AKAP13: variants seen among roughly 807,000 people sequenced by gnomAD.
AKAP13 encodes A-kinase anchoring protein 13, also known as A-kinase anchor protein 13.
AKAP13 carries 80 observed loss-of-function variants against 264.5 expected under a neutral mutation model. That is an observed-to-expected ratio of 0.30 (90% confidence interval 0.25 to 0.36). The LOEUF (loss-of-function observed/expected upper bound fraction) is 0.36. Ranked by LOEUF, AKAP13 falls within the 10% of genes least tolerant of loss-of-function variation. AKAP13 has a pLI of 1.00. For missense variants in AKAP13, 3,712 were observed against 3,435.2 expected (o/e 1.08, Z -2.01); for synonymous variants, 1,380 against 1,250.2 (o/e 1.10, Z -2.19).
At chr15:85,612,188 A>G (rs1009956397) in intron 8 of AKAP13, among the ~76,000 whole-genome samples, 7 of 152,138 alleles carry the variant, frequency 4.6e-5, no homozygotes, top group African/African-American at 1.4e-4. Flanking sequence ...TAGTTACTCT[A>G]TTTGCCATGT....
At chr15:85,568,925 G>A (rs973253457) in intron 5 of AKAP13, among the ~76,000 whole-genome samples, 5 of 152,166 alleles carry the variant, frequency 3.3e-5, no homozygotes, top group Admixed American at 1.3e-4. Context: ...CATAACAAGA[G>A]TGGCTGTAAG....
chr15:85,740,775 A>ACCCCCCCCCCCCCCCCCCC (rs34080252), intron 34 of AKAP13, among the ~76,000 whole-genome samples: 10 of 67,388 alleles, frequency 1.5e-4, no homozygotes, highest in Non-Finnish European at 2.1e-4. Context: ...ACACACAACC[A>ACCCCCCCCCCCCCCCCCCC]CCCCCCCCCC....
At chr15:85,640,042 G>T (rs1037283619) in intron 9 of AKAP13, among the ~76,000 whole-genome samples, 1 of 152,210 alleles carries the variant, frequency 6.6e-6, no homozygotes, top group African/African-American at 2.4e-5. Context: ...GACCTTGCTT[G>T]TTAATGACAC....
intron 1 of AKAP13, among the ~76,000 whole-genome samples, chr15:85,425,203 T>C (rs1183921648): frequency 6.6e-6 from 1 of 152,158 alleles, no homozygotes; most frequent in African/African-American, 2.4e-5. Context: ...AAAATCTCTA[T>C]CTTTGAAGTG....
At chr15:85,723,435 C>A in intron 26 of AKAP13, 115 bp downstream of exon 26, 1 of 1,425,456 alleles carries the variant, frequency 7.0e-7, no homozygotes, top group Non-Finnish European at 9.5e-7. Flanking sequence ...CATCTCTAAA[C>A]ACTACCCAGG....
At chr15:85,646,103 G>C (rs2082548067) in intron 10 of AKAP13, 149 bp downstream of exon 10, 3 of 939,238 alleles carry the variant, frequency 3.2e-6, no homozygotes, top group South Asian at 3.4e-5. Context: ...GATCCAGCTA[G>C]CCTTGTAGGG....
chr15:85,483,261 C>T (rs2075402952), intron 1 of AKAP13, among the ~76,000 whole-genome samples: 2 of 152,192 alleles, frequency 1.3e-5, no homozygotes, highest in South Asian at 4.1e-4. Flanking sequence ...CAGGCTTGTC[C>T]AAACCGTGGC....
intron 35 of AKAP13, among the ~76,000 whole-genome samples, chr15:85,742,215 G>C (rs1001327553): frequency 1.3e-5 from 2 of 152,236 alleles, no homozygotes; most frequent in African/African-American, 4.8e-5. Flanking sequence ...TCAGCTAGAG[G>C]AGTCTCAGTG....
At chr15:85,488,896 G>A (rs1191027980) in intron 2 of AKAP13, among the ~76,000 whole-genome samples, 3 of 152,212 alleles carry the variant, frequency 2.0e-5, no homozygotes, top group African/African-American at 7.2e-5. Flanking sequence ...AAGCCACTGA[G>A]TTTGTGATAA....
At chr15:85,544,203 T>C (rs1035060375) in intron 5 of AKAP13, 1 of 626,080 alleles carries the variant, frequency 1.6e-6, no homozygotes, top group Non-Finnish European at 3.0e-6. Context: ...AATTCTTATC[T>C]CTTATATTTT....
intron 12 of AKAP13, among the ~76,000 whole-genome samples, chr15:85,661,007 C>T (rs2083317431): frequency 6.6e-6 from 1 of 152,154 alleles, no homozygotes; most frequent in African/African-American, 2.4e-5. Flanking sequence ...TTCCCATCTG[C>T]AAGATTCTGG....
At chr15:85,420,784 G>C (rs927808743) in intron 1 of AKAP13, among the ~76,000 whole-genome samples, 1 of 152,076 alleles carries the variant, frequency 6.6e-6, no homozygotes, top group East Asian at 1.9e-4. Flanking sequence ...TTAAATGTGG[G>C]CTATTACTTT....
At chr15:85,479,003 A>G (rs912690938) in intron 1 of AKAP13, among the ~76,000 whole-genome samples, 11 of 152,340 alleles carry the variant, frequency 7.2e-5, no homozygotes, top group Non-Finnish European at 1.3e-4. Context: ...TCGCTGCTTA[A>G]AACTAACTGC....
At chr15:85,616,794 A>C (rs2080953884) in intron 8 of AKAP13, among the ~76,000 whole-genome samples, 1 of 152,246 alleles carries the variant, frequency 6.6e-6, no homozygotes, top group Non-Finnish European at 1.5e-5. Context: ...CTGCAAAAGC[A>C]CAAGACTGCA....
chr15:85,561,955 A>G (rs1472642152), intron 5 of AKAP13, among the ~76,000 whole-genome samples: 1 of 152,232 alleles, frequency 6.6e-6, no homozygotes, highest in Admixed American at 6.5e-5. Flanking sequence ...CTGCTACAAA[A>G]TAGGCAGCAG....
chr15:85,736,166 T>C (rs1402967228), intron 33 of AKAP13, 32 bp downstream of exon 33: 21 of 1,525,544 alleles, frequency 1.4e-5, no homozygotes, highest in Non-Finnish European at 1.8e-5. Context: ...TAAGAAAATA[T>C]GTGTTTGTTG....
At chr15:85,447,873 C>G (rs1228446524) in intron 1 of AKAP13, among the ~76,000 whole-genome samples, 1 of 152,060 alleles carries the variant, frequency 6.6e-6, no homozygotes, top group African/African-American at 2.4e-5. Context: ...TTATAATCCT[C>G]TGGGTATATA....
chr15:85,426,444 A>G (rs1393617846), intron 1 of AKAP13, among the ~76,000 whole-genome samples: 1 of 152,190 alleles, frequency 6.6e-6, no homozygotes, highest in Non-Finnish European at 1.5e-5. Context: ...GTGTATGCAG[A>G]TTCACCTGAA....
chr15:85,479,141 T>C lies in AKAP13; in HGVS notation c.-11-6569T>C, dbSNP rs1314314503. On this transcript the variant is annotated intron_variant, in intron 1 of 36. Transcript: ENST00000394518. ...TTTACTTTTTTGATAGAACTTGGCA[T>C]CTTCAACAGGAAAAGCGTATTTACT... Among the ~76,000 whole-genome samples the C allele has an allele frequency of 7.9e-5, 12 of 152,232 alleles. 1 individual carries two copies.
Sources: allele counts gnomAD v4.1 joint callset (sites outside exome capture counted in the v4.1 genomes callset), GRCh38; gene constraint gnomAD v4.1.1; transcripts MANE v1.5; gene names NCBI Gene and HGNC (gene_info 2026-07-23, HGNC 2026-07-21).